B3GALT1: variants seen among roughly 807,000 people sequenced by gnomAD.
The protein encoded by B3GALT1 is UDP-Gal:betaGlcNAc beta 1,3-galactosyltransferase, polypeptide 1.
Under a neutral mutation model 23.2 loss-of-function variants are expected in B3GALT1, and 10 were observed. The ratio of observed to expected loss-of-function variants is 0.43; its 90% CI spans 0.27 to 0.73. The LOEUF (loss-of-function observed/expected upper bound fraction) is 0.73, where lower values mean the gene tolerates loss of function less well. B3GALT1 is among the 30% of genes least tolerant of loss of function. The pLI is 0.21. For synonymous variants in B3GALT1, 156 were observed against 141.5 expected (o/e 1.10, Z -0.73); for missense variants, 299 against 405.4 (o/e 0.74, Z 2.25).
At chr2:167,650,553 G>C (rs1685844300) in intron 3 of B3GALT1, among the ~76,000 whole-genome samples, 1 of 151,964 alleles carries the variant, frequency 6.6e-6, no homozygotes, top group African/African-American at 2.4e-5. Context: ...GAATGAGTTA[G>C]AAAGTGTTCC....
chr2:167,565,944 G>A (rs371958330), intron 2 of B3GALT1, among the ~76,000 whole-genome samples: 55 of 152,146 alleles, frequency 3.6e-4, no homozygotes, highest in African/African-American at 9.6e-4. Flanking sequence ...TCAGTGTGGC[G>A]ATTCCTCAGG....
chr2:167,459,709 T>C (rs1328636873), intron 1 of B3GALT1, among the ~76,000 whole-genome samples: 4 of 152,190 alleles, frequency 2.6e-5, no homozygotes, highest in South Asian at 2.1e-4. Flanking sequence ...TATTTTTTCA[T>C]ATGGCTTCAA....
intron 3 of B3GALT1, among the ~76,000 whole-genome samples, chr2:167,775,683 C>T (rs997571491): frequency 2.7e-5 from 4 of 149,458 alleles, no homozygotes; most frequent in Non-Finnish European, 3.0e-5. Context: ...TGAAAGTATA[C>T]ACACACACAC....
At chr2:167,725,402 T>C (rs1444877834) in intron 3 of B3GALT1, among the ~76,000 whole-genome samples, 6 of 152,232 alleles carry the variant, frequency 3.9e-5, no homozygotes, top group Non-Finnish European at 8.8e-5. Flanking sequence ...ATTTGGACTT[T>C]GGCAGTTCAT....
intron 1 of B3GALT1, among the ~76,000 whole-genome samples, chr2:167,348,722 T>C (rs1697262648): frequency 6.6e-6 from 1 of 152,146 alleles, no homozygotes; most frequent in Non-Finnish European, 1.5e-5. Flanking sequence ...TGTTCACATA[T>C]TCATTCTGAA....
At chr2:167,320,923 CAA>C (rs2105492783) in intron 1 of B3GALT1, among the ~76,000 whole-genome samples, 1 of 151,484 alleles carries the variant, frequency 6.6e-6, no homozygotes, top group East Asian at 1.9e-4. Context: ...TCCCTCCCCT[CAA>C]ATATCCTAAA....
At chr2:167,442,789 G>A (rs1279210370) in intron 1 of B3GALT1, among the ~76,000 whole-genome samples, 1 of 147,040 alleles carries the variant, frequency 6.8e-6, no homozygotes, top group Non-Finnish European at 1.5e-5. Context: ...TTTGTCAGAT[G>A]AGTAGGTTGC....
chr2:167,643,873 T>C (rs376176107), intron 2 of B3GALT1, among the ~76,000 whole-genome samples: 3 of 152,306 alleles, frequency 2.0e-5, no homozygotes, highest in African/African-American at 7.2e-5. Flanking sequence ...AAGTTATTTA[T>C]GGGGACAGCT....
chr2:167,770,517 A>G (rs1352070361), intron 3 of B3GALT1, among the ~76,000 whole-genome samples: 2 of 152,144 alleles, frequency 1.3e-5, no homozygotes, highest in African/African-American at 2.4e-5. Context: ...TCTGCGTATA[A>G]GTCGTTTCTC....
Position 167,559,124 on chromosome 2 carries a change from C to T in B3GALT1, c.-410+68847C>T, listed in dbSNP as rs572183109. ...CTCTGAGACAAAACTTCCAGAGGAA[C>T]GATCAGACAGCAGGATTTGCGGTTC... On this transcript the variant is annotated intron_variant, in intron 2 of 4. Transcript: ENST00000392690. 3.3e-5 allele frequency among the ~76,000 whole-genome samples: 5 copies of T among 152,252 alleles called. No homozygotes were observed. In the East Asian group the frequency reaches 5.8e-4, roughly 18 times the overall value.
intron 3 of B3GALT1, among the ~76,000 whole-genome samples, chr2:167,670,495 C>T (rs544741629): frequency 6.6e-6 from 1 of 152,214 alleles, no homozygotes; most frequent in South Asian, 2.1e-4. Context: ...GGAACATACA[C>T]ACAAGAAAAA....
intron 1 of B3GALT1, among the ~76,000 whole-genome samples, chr2:167,457,208 T>C (rs1178025831): frequency 6.6e-6 from 1 of 152,078 alleles, no homozygotes; most frequent in African/African-American, 2.4e-5. Flanking sequence ...AGTCTTACTT[T>C]GTCACCCAGG....
chr2:167,318,759 T>C (rs1696758376), intron 1 of B3GALT1, among the ~76,000 whole-genome samples: 1 of 152,076 alleles, frequency 6.6e-6, no homozygotes, highest in South Asian at 2.1e-4. Flanking sequence ...GCCTGGGCTT[T>C]TGGCCAGCCT....
chr2:167,724,932 T>A (rs771980834), intron 3 of B3GALT1, among the ~76,000 whole-genome samples: 42 of 152,184 alleles, frequency 2.8e-4, no homozygotes, highest in Non-Finnish European at 6.0e-4. Flanking sequence ...GAAAAGACAA[T>A]ACCTTTTTCC....
chr2:167,698,562 C>T (rs1016082212), intron 3 of B3GALT1, among the ~76,000 whole-genome samples: 1 of 152,144 alleles, frequency 6.6e-6, no homozygotes, highest in Admixed American at 6.5e-5. Flanking sequence ...CTACCAGTCC[C>T]CTGTGCTCTT....
chr2:167,715,382 T>C, intron 3 of B3GALT1: 1 of 1,613,756 alleles, frequency 6.2e-7, no homozygotes, highest in Non-Finnish European at 8.5e-7. Flanking sequence ...TACTTCAGCT[T>C]CTCGCAAAAG....
intron 2 of B3GALT1, among the ~76,000 whole-genome samples, chr2:167,617,467 G>A (rs1685180291): frequency 6.6e-6 from 1 of 151,960 alleles, no homozygotes; most frequent in African/African-American, 2.4e-5. Flanking sequence ...TTAAGGAATA[G>A]CCCATTATTC....
At chr2:167,523,535 C>A (rs1256821098) in intron 2 of B3GALT1, among the ~76,000 whole-genome samples, 1 of 152,002 alleles carries the variant, frequency 6.6e-6, no homozygotes, top group African/African-American at 2.4e-5. Flanking sequence ...AAGCAATTCT[C>A]CTGCCTCAGC....
intron 2 of B3GALT1, among the ~76,000 whole-genome samples, chr2:167,567,554 C>A (rs1684194953): frequency 6.6e-6 from 1 of 151,984 alleles, no homozygotes; most frequent in Non-Finnish European, 1.5e-5. Flanking sequence ...TTGTGGTGTT[C>A]TTTGTTTTTA....
Sources: allele counts gnomAD v4.1 joint callset (sites outside exome capture counted in the v4.1 genomes callset), GRCh38; gene constraint gnomAD v4.1.1; transcripts MANE v1.5; gene names NCBI Gene and HGNC (gene_info 2026-07-23, HGNC 2026-07-21).